Variants in OOSP3 observed in about 807,000 individuals in gnomAD.
OOSP3 encodes the protein oocyte-secreted protein 3.
chr11:59,893,057 G>A (rs993401476), intron 2 of OOSP3, among the ~76,000 whole-genome samples: 1 of 152,132 alleles, frequency 6.6e-6, no homozygotes, highest in East Asian at 1.9e-4. Flanking sequence ...TAATTACCAA[G>A]AGAAGTAAGG....
intron 2 of OOSP3, among the ~76,000 whole-genome samples, chr11:59,888,346 G>A (rs1256356789): frequency 1.3e-5 from 2 of 152,144 alleles, no homozygotes; most frequent in Non-Finnish European, 2.9e-5. Flanking sequence ...TTGAATAAGA[G>A]TACTGAGAGA....
rs1361974326 is a variant in OOSP3, at chr11:59,884,469, CTG to C, written c.252+4032_252+4033del. The stretch of plus-strand genomic sequence containing the variant: ...TCTGTTTGTCTGTCTGTCTGTCTGT[CTG>C]TCTGTCTCTCTCTCTCTCTCTCTCT... On this transcript the variant is annotated intron_variant, in intron 2 of 4. Transcript: ENST00000646438. 6.5e-4 allele frequency among the ~76,000 whole-genome samples: 71 copies of C among 109,028 alleles called. 1 individual carries two copies. Among genetic ancestry groups the C allele is most frequent in the African/African-American group, 2.7e-3 (53 of 19,330 alleles). 71.5% of individuals were successfully genotyped at this position (109,028 alleles called of 152,430 possible).
At chr11:59,881,534 C>G (rs943402314) in intron 2 of OOSP3, among the ~76,000 whole-genome samples, 1 of 152,152 alleles carries the variant, frequency 6.6e-6, no homozygotes, top group Non-Finnish European at 1.5e-5. Flanking sequence ...TTTCTGACAG[C>G]AACATACAGA....
intron 2 of OOSP3, among the ~76,000 whole-genome samples, chr11:59,881,670 G>A (rs566915147): frequency 5.3e-5 from 8 of 152,168 alleles, no homozygotes; most frequent in Non-Finnish European, 1.0e-4. Flanking sequence ...CTGAGGTCAA[G>A]AGTTTGAGAC....
chr11:59,895,267 C>T (rs1333846723), intron 3 of OOSP3, among the ~76,000 whole-genome samples: 1 of 147,484 alleles, frequency 6.8e-6, no homozygotes, highest in Non-Finnish European at 1.5e-5. Context: ...GTTTAGAATA[C>T]ATTTTCCTAT....
chr11:59,880,216 C>T, intron 1 of OOSP3, 45 bp from the exon 2 acceptor site: 2 of 398,060 alleles, frequency 5.0e-6, no homozygotes, highest in Non-Finnish European at 8.9e-6. Flanking sequence ...TGTCGTTTAG[C>T]ATAAAATTGC....
At chr11:59,895,198 T>C (rs189940112) in intron 3 of OOSP3, among the ~76,000 whole-genome samples, 158 of 152,230 alleles carry the variant, frequency 1.0e-3, no homozygotes, top group African/African-American at 3.3e-3. Flanking sequence ...ATTCTCAGTT[T>C]ATACTTGTAA....
At chr11:59,886,862 C>G (rs565942031) in intron 2 of OOSP3, among the ~76,000 whole-genome samples, 19 of 149,786 alleles carry the variant, frequency 1.3e-4, no homozygotes, top group African/African-American at 4.4e-4. Context: ...GTGATCTTGG[C>G]TCACTGCAAC....
At chr11:59,890,907 AC>A (rs1853305799) in intron 2 of OOSP3, among the ~76,000 whole-genome samples, 1 of 152,082 alleles carries the variant, frequency 6.6e-6, no homozygotes. Context: ...TGTCTCAGGT[AC>A]TCCAATCACT....
At chr11:59,895,576 A>G (rs1853348431) in exon 4 of OOSP3, 2 of 398,422 alleles carry the variant, frequency 5.0e-6, no homozygotes, top group Non-Finnish European at 8.9e-6. Context: ...CCCGCTACCA[A>G]TTCTTATTCT....
chr11:59,892,936 A>G (rs1297314656), intron 2 of OOSP3, among the ~76,000 whole-genome samples: 2 of 152,224 alleles, frequency 1.3e-5, no homozygotes, highest in Non-Finnish European at 2.9e-5. Context: ...TAATATTCAG[A>G]GTCTTAAAAA....
chr11:59,881,346 C>G lies in OOSP3; in HGVS notation c.252+907C>G, dbSNP rs546295149. Among the ~76,000 whole-genome samples, 72 of 148,286 alleles carry G rather than the reference C, an allele frequency of 4.9e-4. No homozygotes were observed. The South Asian group carries it at 0.014, about 29-fold the overall frequency. On this transcript the variant is annotated intron_variant, in intron 2 of 4. Coordinates refer to ENST00000646438, the Ensembl canonical transcript of OOSP3. ...TGCCACTGCACCCCAGCCTGGGTGA[C>G]AGAGCGAGACTATCTCAAAAAAAAA...
intron 1 of OOSP3, 56 bp from the exon 2 acceptor site, chr11:59,880,205 G>A (rs1853186912): frequency 5.0e-6 from 2 of 397,780 alleles, no homozygotes; most frequent in East Asian, 3.6e-5. Context: ...CTTTCTCTGG[G>A]TGTCGTTTAG....
chr11:59,886,335 A>T (rs1417594093), intron 2 of OOSP3, among the ~76,000 whole-genome samples: 1 of 152,204 alleles, frequency 6.6e-6, no homozygotes, highest in Non-Finnish European at 1.5e-5. Flanking sequence ...TGCTATTGTG[A>T]ATAGTGCTGC....
At chr11:59,890,386 CT>C (rs1343955408) in intron 2 of OOSP3, among the ~76,000 whole-genome samples, 1 of 152,058 alleles carries the variant, frequency 6.6e-6, no homozygotes, top group African/African-American at 2.4e-5. Context: ...GGTCTGTGTA[CT>C]TTAGTGTGTT....
At chr11:59,879,072 C>T (rs1019741211) in intron 1 of OOSP3, among the ~76,000 whole-genome samples, 191 bp downstream of exon 1, 2 of 152,168 alleles carry the variant, frequency 1.3e-5, no homozygotes, top group Non-Finnish European at 2.9e-5. Flanking sequence ...TATCCTAATA[C>T]TTGAGAAAGA....
At chr11:59,884,059 T>C (rs1853226396) in intron 2 of OOSP3, among the ~76,000 whole-genome samples, 1 of 152,222 alleles carries the variant, frequency 6.6e-6, no homozygotes, top group South Asian at 2.1e-4. Flanking sequence ...AAAACATTTC[T>C]AATATTCCTG....
intron 2 of OOSP3, among the ~76,000 whole-genome samples, chr11:59,881,723 C>T (rs748350771): frequency 6.6e-6 from 1 of 152,086 alleles, no homozygotes; most frequent in Non-Finnish European, 1.5e-5. Flanking sequence ...ACTAAACATA[C>T]AAAAATTAGC....
At chr11:59,879,575 T>C (rs1853182038) in intron 1 of OOSP3, among the ~76,000 whole-genome samples, 1 of 152,200 alleles carries the variant, frequency 6.6e-6, no homozygotes, top group Admixed American at 6.5e-5. Context: ...TGTTTTTGTC[T>C]AAAAATGTTT....
Sources: allele counts gnomAD v4.1 joint callset (sites outside exome capture counted in the v4.1 genomes callset), GRCh38; gene constraint gnomAD v4.1.1; transcripts MANE v1.5; gene names NCBI Gene and HGNC (gene_info 2026-07-23, HGNC 2026-07-21).